SUMF1: variants seen among roughly 807,000 people sequenced by gnomAD.
The protein encoded by SUMF1 is sulfatase modifying factor 1.
Under a neutral mutation model 47.6 loss-of-function variants are expected in SUMF1, and 48 were observed. The observed-to-expected ratio is 1.01, with a 90% CI of 0.80 to 1.28. SUMF1 has a LOEUF of 1.28. Among genes scored for constraint, SUMF1 ranks in the 50% most tolerant of loss-of-function variants. SUMF1 has a pLI of 0.00. For missense variants in SUMF1, 571 were observed against 485.4 expected (o/e 1.18, Z -1.66); for synonymous variants, 230 against 192.1 (o/e 1.20, Z -1.63).
Position 4,442,387 on chromosome 3 carries a change from C to G in SUMF1, c.519+6879G>C, listed in dbSNP as rs555962006. The stretch of plus-strand genomic sequence containing the variant: ...TCTCCTGCCTCAGCCTCCCGAGTAG[C>G]TGGGACTACAGGCGCCCAACACCAC... On this transcript the variant is annotated intron_variant, in intron 3 of 8. Transcript: ENST00000272902. 8.3e-4 allele frequency among the ~76,000 whole-genome samples: 125 copies of G among 151,354 alleles called. 1 individual carries two copies. The highest frequency in any genetic ancestry group is 6.9e-3 in the Middle Eastern group (2 of 290).
At chr3:4,038,778 G>C (rs1020463494) in intron 9 of SUMF1, among the ~76,000 whole-genome samples, 2 of 152,178 alleles carry the variant, frequency 1.3e-5, no homozygotes, top group Non-Finnish European at 2.9e-5. Flanking sequence ...AGATGGCTCT[G>C]GGAGTCTCTC....
intron 8 of SUMF1, among the ~76,000 whole-genome samples, chr3:4,186,875 G>C (rs1695211368): frequency 6.6e-6 from 1 of 152,088 alleles, no homozygotes; most frequent in Non-Finnish European, 1.5e-5. Context: ...GTGTTCCTTT[G>C]ATATAATTTT....
chr3:4,151,556 TACAC>T (rs35911373), intron 8 of SUMF1, among the ~76,000 whole-genome samples: 1,561 of 137,202 alleles, frequency 0.011, 30 homozygotes, highest in South Asian at 0.025. Flanking sequence ...TGTGTGTATA[TACAC>T]ACACACACAC....
At chr3:4,395,208 G>T (rs1453112830) in intron 7 of SUMF1, among the ~76,000 whole-genome samples, 1 of 152,112 alleles carries the variant, frequency 6.6e-6, no homozygotes, top group Non-Finnish European at 1.5e-5. Context: ...TCACACTGTG[G>T]CACCTGCAGG....
In SUMF1 at chr3:4,308,297, C is replaced by G. The variant is rs538868418; in HGVS notation, c.1014+68033G>C. Among the ~76,000 whole-genome samples the G allele has an allele frequency of 4.6e-5, 7 of 152,292 alleles. No homozygotes were observed. In the South Asian group the frequency reaches 1.2e-3, roughly 27 times the overall value. On this transcript the variant is annotated intron_variant and NMD_transcript_variant, in intron 8 of 12. Coordinates refer to the SUMF1 transcript ENST00000448413. ...ATTTTCTTCACTACCCTACTATGCA[C>G]TACCTGCAAAATTTTTATTGAACAC...
chr3:4,124,796 T>A (rs1693618409), intron 8 of SUMF1, among the ~76,000 whole-genome samples: 2 of 116,790 alleles, frequency 1.7e-5, no homozygotes, highest in African/African-American at 6.1e-5. Context: ...TACCTATCTG[T>A]ATCTAATATC....
intron 8 of SUMF1, among the ~76,000 whole-genome samples, chr3:4,097,857 AGACT>A (rs1458309473): frequency 1.3e-4 from 20 of 152,260 alleles, no homozygotes; most frequent in African/African-American, 4.3e-4. Context: ...GCTATCCATC[AGACT>A]GACAGCAGTC....
intron 8 of SUMF1, among the ~76,000 whole-genome samples, chr3:4,179,630 T>C (rs1291199338): frequency 2.0e-5 from 3 of 152,020 alleles, no homozygotes; most frequent in Admixed American, 2.0e-4. Context: ...GACATAGGCA[T>C]GGGCAAGGAC....
chr3:4,412,574 G>A (rs1701578157), intron 6 of SUMF1, among the ~76,000 whole-genome samples: 1 of 152,146 alleles, frequency 6.6e-6, no homozygotes, highest in African/African-American at 2.4e-5. Context: ...AGGAGCCAGA[G>A]GAGCAAGTGC....
chr3:4,250,076 C>A (rs777839155), intron 8 of SUMF1, among the ~76,000 whole-genome samples: 1 of 151,982 alleles, frequency 6.6e-6, no homozygotes, highest in Non-Finnish European at 1.5e-5. Context: ...CCCAACTACT[C>A]AGGACATGAG....
At chr3:4,349,217 A>C (rs546220615) in intron 8 of SUMF1, among the ~76,000 whole-genome samples, 1 of 152,354 alleles carries the variant, frequency 6.6e-6, no homozygotes, top group African/African-American at 2.4e-5. Flanking sequence ...TTCTCAAGAC[A>C]TTTATGCAGC....
intron 8 of SUMF1, among the ~76,000 whole-genome samples, chr3:4,197,140 C>T (rs1379427871): frequency 6.6e-6 from 1 of 152,086 alleles, no homozygotes; most frequent in Non-Finnish European, 1.5e-5. Flanking sequence ...GCTGAACTAT[C>T]AGGAGATGGT....
rs192139962 is a variant in SUMF1 at position 4,260,143 on chromosome 3, T to A, written c.1014+116187A>T. Among the ~76,000 whole-genome samples, 22 of 152,058 alleles carry A rather than the reference T, an allele frequency of 1.4e-4. 1 individual carries two copies. Among genetic ancestry groups the A allele is most frequent in the Admixed American group, 5.2e-4 (8 of 15,266 alleles). On this transcript the variant is annotated intron_variant and NMD_transcript_variant, in intron 8 of 12. Transcript: ENST00000448413. ...TACTTCTAGATCATCAGGGTGAAAA[T>A]CAATTTTTATGCCAGGGCTGAAGTC...
intron 8 of SUMF1, among the ~76,000 whole-genome samples, chr3:4,276,210 A>G (rs73117628): frequency 7.6e-4 from 115 of 152,310 alleles, no homozygotes; most frequent in African/African-American, 2.7e-3. Context: ...AGGCATGATT[A>G]ACTGCTGTGG....
chr3:4,316,695 T>C (rs1486453569), intron 8 of SUMF1: 2 of 1,551,020 alleles, frequency 1.3e-6, no homozygotes, highest in African/African-American at 1.4e-5. Flanking sequence ...GTGGATTTTA[T>C]ATGACAACCG....
intron 8 of SUMF1, among the ~76,000 whole-genome samples, chr3:4,305,339 G>T (rs1698148259): frequency 1.3e-5 from 2 of 152,168 alleles, no homozygotes; most frequent in South Asian, 4.1e-4. Flanking sequence ...ACCCACCTGG[G>T]CCTCCCAAAG....
chr3:4,346,128 A>G (rs532020571), intron 8 of SUMF1, among the ~76,000 whole-genome samples: 1 of 152,322 alleles, frequency 6.6e-6, no homozygotes, highest in East Asian at 1.9e-4. Context: ...ACAAGACAGA[A>G]GATTAACAAG....
chr3:4,253,985 AC>A (rs1171531888), intron 8 of SUMF1, among the ~76,000 whole-genome samples: 2 of 150,562 alleles, frequency 1.3e-5, no homozygotes, highest in Non-Finnish European at 3.0e-5. Flanking sequence ...ACTGGGAGGC[AC>A]CCCCCAGCAA....
intron 8 of SUMF1, among the ~76,000 whole-genome samples, chr3:4,207,192 C>G (rs1442502102): frequency 6.6e-6 from 1 of 151,844 alleles, no homozygotes; most frequent in Non-Finnish European, 1.5e-5. Flanking sequence ...GTATATTTAT[C>G]TTTTACCTTA....
Sources: allele counts gnomAD v4.1 joint callset (sites outside exome capture counted in the v4.1 genomes callset), GRCh38; gene constraint gnomAD v4.1.1; transcripts MANE v1.5; gene names NCBI Gene and HGNC (gene_info 2026-07-23, HGNC 2026-07-21).